RAD51B: variants seen among roughly 807,000 people sequenced by gnomAD.
The protein encoded by RAD51B is DNA repair protein RAD51 homolog 2.
RAD51B carries 38 observed loss-of-function variants against 42.2 expected under a neutral mutation model. That is an observed-to-expected ratio of 0.90 (90% CI 0.70 to 1.18). The LOEUF (loss-of-function observed/expected upper bound fraction) is 1.18, where lower values mean the gene tolerates loss of function less well. RAD51B is among the 50% of genes most tolerant of loss of function. The pLI, the probability that RAD51B is intolerant of heterozygous loss-of-function variation, is 0.00. For missense variants in RAD51B, 373 were observed against 400.7 expected, an observed-to-expected ratio of 0.93 and a Z score of 0.59; for synonymous variants, 154 against 145.2, an observed-to-expected ratio of 1.06 and a Z score of -0.43.
At chr14:67,975,791 T>A (rs1469969430) in intron 7 of RAD51B, among the ~76,000 whole-genome samples, 1 of 152,230 alleles carries the variant, frequency 6.6e-6, no homozygotes, top group Non-Finnish European at 1.5e-5. Flanking sequence ...TGTTTACACA[T>A]CCTTTTAGAT....
intron 4 of RAD51B, among the ~76,000 whole-genome samples, chr14:67,844,165 A>T (rs983070531): frequency 6.7e-6 from 1 of 149,436 alleles, no homozygotes; most frequent in East Asian, 2.0e-4. Context: ...GTTTTAAGTG[A>T]TTTTCTTAGT....
At chr14:68,483,134 C>A (rs544372416) in intron 10 of RAD51B, among the ~76,000 whole-genome samples, 1 of 152,300 alleles carries the variant, frequency 6.6e-6, no homozygotes, top group African/African-American at 2.4e-5. Flanking sequence ...ACTCTCCTGG[C>A]CATGCAGCCA....
chr14:68,262,455 G>T (rs563613199), intron 7 of RAD51B, among the ~76,000 whole-genome samples: 26 of 152,054 alleles, frequency 1.7e-4, no homozygotes, highest in Non-Finnish European at 3.4e-4. Flanking sequence ...GTTCTGATTT[G>T]GTAGTAAAGA....
At chr14:68,355,957 GCTTA>G (rs2082889565) in intron 8 of RAD51B, among the ~76,000 whole-genome samples, 1 of 151,542 alleles carries the variant, frequency 6.6e-6, no homozygotes, top group Non-Finnish European at 1.5e-5. Context: ...TTTTTATATT[GCTTA>G]CTATCATTTA....
At chr14:68,346,794 G>A (rs182237688) in intron 8 of RAD51B, among the ~76,000 whole-genome samples, 5 of 152,092 alleles carry the variant, frequency 3.3e-5, no homozygotes, top group Admixed American at 6.5e-5. Flanking sequence ...TTTCTCTCTC[G>A]GCCTCATTTC....
intron 7 of RAD51B, among the ~76,000 whole-genome samples, chr14:68,087,110 G>A (rs1436630342): frequency 6.6e-6 from 1 of 151,630 alleles, no homozygotes; most frequent in African/African-American, 2.4e-5. Context: ...ACTCCAACCT[G>A]GGCAACAAGA....
chr14:68,628,695 G>A (rs1466397564), intron 10 of RAD51B, among the ~76,000 whole-genome samples: 1 of 152,172 alleles, frequency 6.6e-6, no homozygotes, highest in African/African-American at 2.4e-5. Context: ...CGGGCGTGGA[G>A]GCAGAGGGTA....
intron 7 of RAD51B, among the ~76,000 whole-genome samples, chr14:68,257,911 ATTAG>A (rs2080787452): frequency 6.6e-6 from 1 of 152,222 alleles, no homozygotes; most frequent in Non-Finnish European, 1.5e-5. Flanking sequence ...GGATAGATTT[ATTAG>A]TTATGGAGAA....
chr14:68,250,635 C>T (rs957690604), intron 7 of RAD51B, among the ~76,000 whole-genome samples: 7 of 152,114 alleles, frequency 4.6e-5, no homozygotes, highest in African/African-American at 1.7e-4. Flanking sequence ...CCCCTAAATC[C>T]CCTGGGAACA....
At chr14:67,916,142 G>C (rs921589771) in intron 7 of RAD51B, among the ~76,000 whole-genome samples, 4 of 152,184 alleles carry the variant, frequency 2.6e-5, no homozygotes, top group Non-Finnish European at 2.9e-5. Flanking sequence ...ATAGTTGAAG[G>C]CTCAAAGAAA....
At chr14:68,491,201 G>A (rs1884045474) in intron 10 of RAD51B, among the ~76,000 whole-genome samples, 1 of 152,166 alleles carries the variant, frequency 6.6e-6, no homozygotes, top group Admixed American at 6.5e-5. Flanking sequence ...TTAGTGCCTG[G>A]CCAAGTTGCA....
intron 10 of RAD51B, among the ~76,000 whole-genome samples, chr14:68,605,480 A>G (rs1220058072): frequency 1.3e-5 from 2 of 152,260 alleles, no homozygotes; most frequent in East Asian, 3.8e-4. Flanking sequence ...CAGACATGAC[A>G]ATCTAAACTA....
chr14:68,560,773 C>A (rs1889105439), intron 10 of RAD51B, among the ~76,000 whole-genome samples: 1 of 151,948 alleles, frequency 6.6e-6, no homozygotes, highest in Non-Finnish European at 1.5e-5. Flanking sequence ...ACTGACCTGG[C>A]CTCCCCCCGC....
chr14:68,047,844 T>C (rs1255856323), intron 7 of RAD51B, among the ~76,000 whole-genome samples: 1 of 152,182 alleles, frequency 6.6e-6, no homozygotes, highest in East Asian at 1.9e-4. Flanking sequence ...TCATGGATGC[T>C]TCTTTCTTTC....
At chr14:68,668,229 C>T (rs1444870052) in intron 11 of RAD51B, among the ~76,000 whole-genome samples, 2 of 152,338 alleles carry the variant, frequency 1.3e-5, no homozygotes, top group East Asian at 3.9e-4. Flanking sequence ...TTCCTGGGGG[C>T]ATCTGTGCCA....
At chr14:68,578,797 G>A (rs568626028) in intron 10 of RAD51B, among the ~76,000 whole-genome samples, 1 of 152,214 alleles carries the variant, frequency 6.6e-6, no homozygotes, top group Non-Finnish European at 1.5e-5. Context: ...AGACAGAGAG[G>A]TGACAAGACA....
intron 8 of RAD51B, among the ~76,000 whole-genome samples, chr14:68,309,154 C>G (rs1442481171): frequency 6.6e-6 from 1 of 151,896 alleles, no homozygotes; most frequent in Non-Finnish European, 1.5e-5. Context: ...TGCTTATGGA[C>G]TGGAAAAGCT....
chr14:67,867,248 A>G (rs984327373), intron 5 of RAD51B, among the ~76,000 whole-genome samples: 1 of 152,200 alleles, frequency 6.6e-6, no homozygotes, highest in Admixed American at 6.5e-5. Flanking sequence ...TTATCAGGAA[A>G]GGTTGGCCAA....
At chr14:67,967,422 G>A (rs920859905) in intron 7 of RAD51B, among the ~76,000 whole-genome samples, 4 of 152,170 alleles carry the variant, frequency 2.6e-5, no homozygotes, top group African/African-American at 9.7e-5. Context: ...AGTCCAAAGT[G>A]TCATCTGAGA....
Sources: allele counts gnomAD v4.1 joint callset (sites outside exome capture counted in the v4.1 genomes callset), GRCh38; gene constraint gnomAD v4.1.1; transcripts MANE v1.5; gene names NCBI Gene and HGNC (gene_info 2026-07-23, HGNC 2026-07-21).